The following AP2A1 variants were observed in gnomAD, a reference collection of about 807,000 sequenced individuals.
AP2A1 encodes the protein adaptor related protein complex 2 subunit alpha 1, also known as AP-2 complex subunit alpha-1.
A neutral mutation model predicts 107.3 loss-of-function variants in AP2A1; 21 were observed. The ratio of observed to expected loss-of-function variants is 0.20; its 90% CI spans 0.14 to 0.28. AP2A1 has a LOEUF of 0.28. Among genes scored for constraint, AP2A1 ranks in the 10% least tolerant of loss-of-function variants. The pLI is 1.00. For synonymous variants in AP2A1, 602 were observed against 564.8 expected, an observed-to-expected ratio of 1.07 and a Z score of -0.93; for missense variants, 873 against 1,307.7, an observed-to-expected ratio of 0.67 and a Z score of 5.13.
Position 49,802,151 on chromosome 19 carries a change from C to T in AP2A1, c.2114+10C>T. On this transcript the variant is annotated intron_variant, in intron 15 of 22. Coordinates refer to ENST00000354293, the MANE Select transcript of AP2A1 (RefSeq NM_130787.3). ...AGGAGGCCTTCCTCAGGTAGCACCC[C>T]CTGGGCCCGGGCCCCTTCTCGCGGC... 2 of 1,548,362 alleles carry T rather than the reference C, an allele frequency of 1.3e-6. No homozygotes were observed. The highest frequency in any genetic ancestry group is 1.7e-6 in the Non-Finnish European group (2 of 1,153,044).
Position 49,782,567 on chromosome 19 carries a change from T to G in AP2A1, c.316T>G (p.Ser106Ala). 6.2e-7 allele frequency: 1 copy of G among 1,613,900 alleles called. No individual in the cohort carries two copies. Among genetic ancestry groups the G allele is most frequent in the Non-Finnish European group, 8.5e-7 (1 of 1,179,816 alleles). Residue 106 changes from serine to alanine, a missense_variant, in exon 4 of 23, where the codon TCG (serine) becomes GCG (alanine). By Grantham distance (99) the Ser-to-Ala change is moderately conservative. Around this residue, in one of 4 missense-constraint regions of AP2A1, gnomAD observed 87 missense variants for 178.2 expected, o/e 0.49. Transcript: ENST00000354293. ...CATTTCTGTGCTGGTGAACTCGAAC[T>G]CGGAGCTGATCCGCCTCATCAACAA... ...LFISVLVNSN[S>A]ELIRLINNAI... is the part of the protein sequence containing the mutation.
In AP2A1 at chr19:49,782,725, G is replaced by A; in HGVS notation, c.473+1G>A. The A allele has an allele frequency of 6.3e-7, 1 of 1,597,140 alleles. No individual in the cohort carries two copies. Among genetic ancestry groups the A allele is most frequent in the Non-Finnish European group, 8.5e-7 (1 of 1,174,960 alleles). ...ACATCCCCCGCATCCTGGTGGCCGG[G>A]TAAGGCACTGGGGACCCGTTGGCAG... On this transcript the variant is annotated splice_donor_variant, in intron 4 of 22. Coordinates refer to ENST00000354293, the MANE Select transcript of AP2A1 (RefSeq NM_130787.3). LOFTEE classifies it high-confidence loss of function.
At chr19:49,781,349 G>A (rs1314807851) in intron 1 of AP2A1, among the ~76,000 whole-genome samples, 1 of 152,122 alleles carries the variant, frequency 6.6e-6, no homozygotes, top group Non-Finnish European at 1.5e-5. Context: ...AAGAGGCAGT[G>A]AGCTCAGTGG....
chr19:49,781,958 T>C lies in AP2A1; in HGVS notation c.148T>C (p.Leu50=), dbSNP rs2084681513. 3 of 1,612,742 alleles carry C rather than the reference T, an allele frequency of 1.9e-6. No individual in the cohort carries two copies. The highest frequency in any genetic ancestry group is 1.3e-5 in the African/African-American group (1 of 74,722). Residue 50 remains leucine (L), a synonymous_variant, in exon 3 of 23, where the codon TTG becomes CTG. Transcript: ENST00000354293. ...TTCCTCTGCCCTAGGAGACAAAGCC[T>C]TGGATGGCTACAGTAAGAAAAAATA... ...IRSKFKGDKA[L]DGYSKKKYVC...
intron 11 of AP2A1, among the ~76,000 whole-genome samples, chr19:49,800,480 C>G (rs200075473): frequency 5.3e-5 from 8 of 152,054 alleles, no homozygotes; most frequent in African/African-American, 1.9e-4. Context: ...TTTCTGGAGA[C>G]GGAGTCTCAC....
chr19:49,787,883 G>T (rs2073093400), intron 4 of AP2A1, among the ~76,000 whole-genome samples: 1 of 152,296 alleles, frequency 6.6e-6, no homozygotes, highest in South Asian at 2.1e-4. Context: ...CACAGTAGGT[G>T]GCCTTCTGTG....
At chr19:49,787,837 T>C (rs1221265412) in intron 4 of AP2A1, among the ~76,000 whole-genome samples, 1 of 152,154 alleles carries the variant, frequency 6.6e-6, no homozygotes, top group African/African-American at 2.4e-5. Context: ...CTGTCACAGA[T>C]TTGCCTAATG....
In AP2A1 at chr19:49,806,875, T is replaced by C. The variant is rs747581769; in HGVS notation, c.*117T>C. 8.5e-5 allele frequency: 133 copies of C among 1,565,332 alleles called. No homozygotes were observed. Among genetic ancestry groups the C allele is most frequent in the Non-Finnish European group, 1.1e-4 (127 of 1,159,748 alleles). ...AGAGAAGACACCAGGGTTTGGGGGA[T>C]GCCTGGGACTTTCCTCCGGCCTTTT... On this transcript the variant is annotated 3_prime_UTR_variant, in exon 23 of 23. Transcript: ENST00000354293.
intron 1 of AP2A1, among the ~76,000 whole-genome samples, chr19:49,779,246 A>T (rs1162343865): frequency 6.6e-6 from 1 of 151,228 alleles, no homozygotes; most frequent in Non-Finnish European, 1.5e-5. Context: ...CTGAGGCAGG[A>T]CAATTGCTTG....
chr19:49,805,536 C>T lies in AP2A1; in HGVS notation c.2428C>T (p.Arg810Trp). Residue 810 changes from arginine to tryptophan, a missense_variant, in exon 19 of 23, where the codon CGG becomes TGG. Arg to Trp is a moderately radical substitution (Grantham distance 101). Coordinates refer to ENST00000354293, the MANE Select transcript of AP2A1 (RefSeq NM_130787.3). ...GCAGGTGCTCAATATCGAGTGCCTGCGGGACTTCCTGACGCCCCCGCTGCT... is the reference window on the plus strand; with the variant it reads ...GCAGGTGCTCAATATCGAGTGCCTGTGGGACTTCCTGACGCCCCCGCTGCT... ...VQQVLNIECLRDFLTPPLLSV... is the reference protein window; with the variant it reads ...VQQVLNIECLWDFLTPPLLSV... The T allele has an allele frequency of 6.3e-7, 1 of 1,576,090 alleles. No individual in the cohort carries two copies. Among genetic ancestry groups the T allele is most frequent in the East Asian group, 2.3e-5 (1 of 42,750 alleles).
intron 1 of AP2A1, among the ~76,000 whole-genome samples, chr19:49,771,033 G>GAC (rs1285549035): frequency 4.6e-5 from 7 of 151,912 alleles, no homozygotes; most frequent in Non-Finnish European, 1.0e-4. Context: ...TGTACTTTTA[G>GAC]TAGAGACGGG....
At chr19:49,772,249 T>TTTTTTTTTTTTTTG in intron 1 of AP2A1, among the ~76,000 whole-genome samples, 2 of 49,246 alleles carry the variant, frequency 4.1e-5, no homozygotes, top group Admixed American at 2.4e-4. Flanking sequence ...TCATAGAGTT[T>TTTTTTTTTTTTTTG]TTTTTTTTTT....
rs549169065 is a variant in AP2A1, at chr19:49,789,860, G to A, written c.474-2075G>A. 1.5e-4 allele frequency among the ~76,000 whole-genome samples: 23 copies of A among 152,280 alleles called. No homozygotes were observed. The South Asian group carries it at 3.1e-3, about 21-fold the overall frequency. ...CCCACAGTCACAACCTCATGCAGGC[G>A]TGTCTGACCCCAGAAGGTGCTCCCC... On this transcript the variant is annotated intron_variant, in intron 4 of 22. Coordinates refer to ENST00000354293, the MANE Select transcript of AP2A1 (RefSeq NM_130787.3).
chr19:49,802,878 A>G, intron 15 of AP2A1, 71 bp from the exon 16 acceptor site: 1 of 1,522,078 alleles, frequency 6.6e-7, no homozygotes, highest in Non-Finnish European at 9.0e-7. Flanking sequence ...TTGTTCTCGC[A>G]CTCAATCGCT....
rs1330644632 is a variant in AP2A1, at chr19:49,782,113, AG to A, written c.279+27del. On this transcript the variant is annotated intron_variant, in intron 3 of 22. Transcript: ENST00000354293. ...TAGTGAGTCTGGAGAGGGGGGTGCCAGGGCCTGGACTCCTGGGTCTGCGGGG... is the reference window on the plus strand; with the variant it reads ...TAGTGAGTCTGGAGAGGGGGGTGCCAGGCCTGGACTCCTGGGTCTGCGGGG... 2.8e-6 allele frequency: 3 copies of A among 1,085,884 alleles called. No individual in the cohort carries two copies. The South Asian group carries it at 5.6e-5, about 20-fold the overall frequency. 67.3% of individuals were successfully genotyped at this position (1,085,884 alleles called of 1,614,324 possible).
Position 49,785,296 on chromosome 19 carries a change from C to A in AP2A1, c.473+2572C>A, listed in dbSNP as rs550885759. Among the ~76,000 whole-genome samples, 2 of 152,078 alleles carry A rather than the reference C, an allele frequency of 1.3e-5. No individual in the cohort carries two copies. The highest frequency in any genetic ancestry group is 4.8e-5 in the African/African-American group (2 of 41,416). On this transcript the variant is annotated intron_variant, in intron 4 of 22. Coordinates refer to ENST00000354293, the MANE Select transcript of AP2A1 (RefSeq NM_130787.3). The surrounding 1 kb of genome is among the most constrained non-coding windows in gnomAD (Gnocchi z 4.1). ...GTCACCAGGTCCAGGTCAGAGCTCG[C>A]GGTGGCTTGGACCAGGGCTGTGGCG...
At chr19:49,768,863 A>G (rs1338639556) in intron 1 of AP2A1, among the ~76,000 whole-genome samples, 2 of 152,134 alleles carry the variant, frequency 1.3e-5, no homozygotes, top group African/African-American at 2.4e-5. Flanking sequence ...CTGAAGGCTC[A>G]TTTATTCATT....
chr19:49,805,575 C>T lies in AP2A1; in HGVS notation c.2467C>T (p.Arg823Trp). The T allele has an allele frequency of 6.3e-7, 1 of 1,575,132 alleles. No individual in the cohort carries two copies. Among genetic ancestry groups the T allele is most frequent in the Non-Finnish European group, 8.6e-7 (1 of 1,160,144 alleles). The change falls in exon 19 of 23, where the codon CGG becomes TGG. Residue 823 changes from arginine (R) to tryptophan (W), a missense_variant and splice_region_variant. This residue lies in a region of AP2A1 where 416 missense variants were observed against 473.4 expected (regional missense o/e 0.88). Transcript: ENST00000354293. ...GCCCCCGCTGCTGTCCGTGCGCTTC[C>T]GGTGAGTCAGGTACGGCGCGGCCGG... Reference protein sequence around the residue: ...LTPPLLSVRFRYGGAPQALTL... With the variant: ...LTPPLLSVRFWYGGAPQALTL...
In AP2A1 at chr19:49,768,169, G is replaced by A. The variant is rs2084522568; in HGVS notation, c.67+969G>A. On this transcript the variant is annotated intron_variant, in intron 1 of 22. Coordinates refer to ENST00000354293, the MANE Select transcript of AP2A1 (RefSeq NM_130787.3). ...GGCAGCAGGACAGGCAGGGATCTGA[G>A]CCCTTTTCTATTTGACCACAGTAAT... is the stretch of plus-strand genomic sequence containing the variant. Among the ~76,000 whole-genome samples, 9 of 152,230 alleles carry A rather than the reference G, an allele frequency of 5.9e-5. No individual in the cohort carries two copies. The South Asian group carries it at 1.9e-3, about 32-fold the overall frequency.
Sources: allele counts gnomAD v4.1 joint callset (sites outside exome capture counted in the v4.1 genomes callset), GRCh38; gene constraint gnomAD v4.1.1; regional missense constraint gnomAD v4.1.1; non-coding constraint Gnocchi (gnomAD v3.1); transcripts MANE v1.5; gene names NCBI Gene and HGNC (gene_info 2026-07-23, HGNC 2026-07-21).